The following CDH13 variants were observed in gnomAD, a reference collection of about 807,000 sequenced individuals.
CDH13 encodes the protein cadherin-13.
CDH13 carries 24 observed loss-of-function variants against 63.8 expected under a neutral mutation model. That is an observed-to-expected ratio of 0.38 (90% CI 0.27 to 0.53). CDH13 has a LOEUF of 0.53. Among genes scored for constraint, CDH13 ranks in the 20% least tolerant of loss-of-function variants. CDH13 has a pLI of 0.85. For missense variants in CDH13, 1,049 were observed against 903.1 expected, an observed-to-expected ratio of 1.16 and a Z score of -2.07; for synonymous variants, 503 against 355.3, an observed-to-expected ratio of 1.42 and a Z score of -4.67.
chr16:83,749,422 A>G (rs1353282802), intron 11 of CDH13, among the ~76,000 whole-genome samples: 2 of 152,202 alleles, frequency 1.3e-5, no homozygotes, highest in Non-Finnish European at 2.9e-5. Flanking sequence ...TTACCCAGAA[A>G]TCCAAGGCAG....
chr16:83,217,556 TTTC>T lies in CDH13; in HGVS notation c.636+63_636+65del, dbSNP rs2039575214. The T allele has an allele frequency of 2.6e-6, 4 of 1,546,202 alleles. No individual in the cohort carries two copies. In the Admixed American group the frequency reaches 7.0e-5, roughly 27 times the overall value. On this transcript the variant is annotated intron_variant, in intron 5 of 13. Transcript: ENST00000567109. ...CAGAAATGTGGCTTTCAAAGATTGT[TTTC>T]TTCCCACTGAGCTCATTATTTCTGT...
chr16:83,564,664 C>T (rs147170611), intron 7 of CDH13, among the ~76,000 whole-genome samples: 1,571 of 152,268 alleles, frequency 0.01, 20 homozygotes, highest in African/African-American at 0.036. Flanking sequence ...CTCCCTCGGC[C>T]TCCCAAAGTG....
chr16:83,299,847 A>T (rs1567574212), intron 5 of CDH13, among the ~76,000 whole-genome samples: 1 of 152,202 alleles, frequency 6.6e-6, no homozygotes, highest in Non-Finnish European at 1.5e-5. Flanking sequence ...CAGCTTAGTG[A>T]GATCAGGCGT....
intron 2 of CDH13, among the ~76,000 whole-genome samples, chr16:82,864,207 T>G (rs2151176841): frequency 6.6e-6 from 1 of 152,352 alleles, no homozygotes; most frequent in South Asian, 2.1e-4. Flanking sequence ...TATGTCGTTG[T>G]TTCTGAAGAG....
intron 4 of CDH13, among the ~76,000 whole-genome samples, chr16:83,170,641 G>T (rs917296127): frequency 6.6e-6 from 1 of 152,068 alleles, no homozygotes; most frequent in Admixed American, 6.6e-5. Context: ...TTTTGCTTTG[G>T]AAGATCCTGA....
At chr16:83,495,077 A>G (rs979265500) in intron 7 of CDH13, among the ~76,000 whole-genome samples, 3 of 152,102 alleles carry the variant, frequency 2.0e-5, no homozygotes, top group African/African-American at 7.2e-5. Context: ...AAAGAGTCAA[A>G]CTCTATAAAA....
At chr16:83,287,054 A>G (rs1366526705) in intron 5 of CDH13, among the ~76,000 whole-genome samples, 2 of 152,142 alleles carry the variant, frequency 1.3e-5, no homozygotes, top group Admixed American at 6.6e-5. Context: ...TCATGAGCGC[A>G]TGCTGAAGGT....
intron 9 of CDH13, 47 bp from the exon 10 acceptor site, chr16:83,678,161 C>G: frequency 1.9e-6 from 3 of 1,569,484 alleles, no homozygotes; most frequent in Non-Finnish European, 2.6e-6. Flanking sequence ...AACCACCTGC[C>G]TTTTGTGGCT....
chr16:83,278,390 C>A (rs1382476186), intron 5 of CDH13, among the ~76,000 whole-genome samples: 2 of 152,148 alleles, frequency 1.3e-5, no homozygotes, highest in African/African-American at 4.8e-5. Flanking sequence ...TCCAAGACAA[C>A]CCTCTGAAAT....
chr16:82,634,685 T>G (rs963185701), intron 1 of CDH13, among the ~76,000 whole-genome samples: 4 of 152,232 alleles, frequency 2.6e-5, no homozygotes, highest in Admixed American at 6.5e-5. Flanking sequence ...TATTTACTAT[T>G]TAGTCCCTAA....
At chr16:83,032,353 C>G (rs1916443251) in intron 3 of CDH13, 135 bp downstream of exon 3, 1 of 700,424 alleles carries the variant, frequency 1.4e-6, no homozygotes, top group Admixed American at 2.9e-5. Flanking sequence ...TGACAGAAAT[C>G]CAACTCTAAA....
At chr16:82,740,405 C>A (rs2033875360) in intron 1 of CDH13, among the ~76,000 whole-genome samples, 1 of 152,144 alleles carries the variant, frequency 6.6e-6, no homozygotes, top group Non-Finnish European at 1.5e-5. Context: ...GCGTATTAGC[C>A]CAACCCGCTT....
chr16:83,752,210 C>T (rs2150977185), intron 11 of CDH13, among the ~76,000 whole-genome samples: 1 of 152,314 alleles, frequency 6.6e-6, no homozygotes, highest in South Asian at 2.1e-4. Context: ...TATAGCGTAG[C>T]ATGGCTGGCA....
At chr16:83,770,029 C>A (rs986194706) in intron 11 of CDH13, among the ~76,000 whole-genome samples, 2 of 152,284 alleles carry the variant, frequency 1.3e-5, no homozygotes, top group East Asian at 3.9e-4. Flanking sequence ...GTACCCAGAA[C>A]CTGGCATGCA....
chr16:82,714,103 G>A (rs542990208), intron 1 of CDH13, among the ~76,000 whole-genome samples: 2 of 152,074 alleles, frequency 1.3e-5, no homozygotes, highest in Non-Finnish European at 2.9e-5. Flanking sequence ...CTGAACAAGT[G>A]GGTGTTGTTT....
At chr16:83,403,108 G>C (rs1327187239) in intron 6 of CDH13, among the ~76,000 whole-genome samples, 1 of 152,142 alleles carries the variant, frequency 6.6e-6, no homozygotes, top group Non-Finnish European at 1.5e-5. Flanking sequence ...ACTAGCTCAT[G>C]GCGCAGGTTA....
At chr16:82,963,100 G>T (rs189070819) in intron 2 of CDH13, among the ~76,000 whole-genome samples, 2 of 152,182 alleles carry the variant, frequency 1.3e-5, no homozygotes, top group East Asian at 3.9e-4. Flanking sequence ...GCCAGGTGTG[G>T]TGGCTCACAC....
At chr16:83,360,250 A>T (rs1220343374) in intron 6 of CDH13, among the ~76,000 whole-genome samples, 1 of 152,212 alleles carries the variant, frequency 6.6e-6, no homozygotes, top group East Asian at 1.9e-4. Context: ...GCAAATTCTG[A>T]ATTATCTGAG....
chr16:82,997,395 G>A (rs1190825709), intron 2 of CDH13, among the ~76,000 whole-genome samples: 3 of 151,976 alleles, frequency 2.0e-5, no homozygotes. Flanking sequence ...CTCTCTTTGG[G>A]TCCAAATTTA....
Sources: allele counts gnomAD v4.1 joint callset (sites outside exome capture counted in the v4.1 genomes callset), GRCh38; gene constraint gnomAD v4.1.1; transcripts MANE v1.5; gene names NCBI Gene and HGNC (gene_info 2026-07-23, HGNC 2026-07-21).